Variants in ATP6V1H observed in about 807,000 individuals in gnomAD.
The protein encoded by ATP6V1H is ATPase H+ transporting V1 subunit H.
In ATP6V1H, 39 loss-of-function variants were observed where a neutral mutation model predicts 71.7. The ratio of observed to expected loss-of-function variants is 0.54; its 90% CI spans 0.42 to 0.71. The LOEUF is 0.71. Ranked by LOEUF, ATP6V1H falls within the 30% of genes least tolerant of loss-of-function variation. The probability of loss-of-function intolerance (pLI) is 0.00; values close to 1 mark genes in which losing one functional copy is unlikely to be tolerated. For synonymous variants in ATP6V1H, 192 were observed against 199.3 expected (o/e 0.96, Z 0.31); for missense variants, 509 against 594.9 (o/e 0.86, Z 1.50).
intron 9 of ATP6V1H, among the ~76,000 whole-genome samples, chr8:53,780,697 C>A (rs942620322): frequency 1.3e-5 from 2 of 152,108 alleles, no homozygotes; most frequent in African/African-American, 2.4e-5. Flanking sequence ...CCCCATCCCC[C>A]ACTCCACAAC....
chr8:53,833,111 T>A (rs2130529558), intron 2 of ATP6V1H, 25 bp from the exon 3 acceptor site: 1 of 1,582,126 alleles, frequency 6.3e-7, no homozygotes, highest in Non-Finnish European at 8.7e-7. Context: ...TAAGATGTTT[T>A]GTTCAGTAAG....
intron 7 of ATP6V1H, among the ~76,000 whole-genome samples, chr8:53,810,811 TAGAC>T (rs1810249376): frequency 6.6e-6 from 1 of 152,204 alleles, no homozygotes; most frequent in African/African-American, 2.4e-5. Context: ...ACCTTTTGAT[TAGAC>T]AGATATTAGA....
intron 7 of ATP6V1H, among the ~76,000 whole-genome samples, chr8:53,807,189 GT>G (rs1158225434): frequency 6.6e-6 from 1 of 152,120 alleles, no homozygotes; most frequent in Non-Finnish European, 1.5e-5. Context: ...TTCTGAAGGG[GT>G]GACAAGTATT....
At chr8:53,816,964 C>T (rs1279436664) in intron 5 of ATP6V1H, among the ~76,000 whole-genome samples, 2 of 152,178 alleles carry the variant, frequency 1.3e-5, no homozygotes, top group African/African-American at 2.4e-5. Flanking sequence ...GAATTCTCCA[C>T]AGGCTTTGAT....
chr8:53,815,210 T>C (rs1810408072), intron 5 of ATP6V1H, among the ~76,000 whole-genome samples: 1 of 152,324 alleles, frequency 6.6e-6, no homozygotes, highest in South Asian at 2.1e-4. Context: ...ATCCATTTCT[T>C]AGGATAATAT....
intron 7 of ATP6V1H, among the ~76,000 whole-genome samples, chr8:53,810,571 C>G (rs569042740): frequency 5.3e-5 from 8 of 152,246 alleles, no homozygotes; most frequent in Admixed American, 3.3e-4. Context: ...GAAACCTCAT[C>G]TCTACTAAAA....
At chr8:53,732,703 G>A (rs145601504) in intron 13 of ATP6V1H, among the ~76,000 whole-genome samples, 6 of 150,224 alleles carry the variant, frequency 4.0e-5, no homozygotes, top group African/African-American at 1.5e-4. Flanking sequence ...GAGCAGCTTC[G>A]CCAGCAGACA....
At chr8:53,776,535 G>C (rs371234452) in intron 9 of ATP6V1H, among the ~76,000 whole-genome samples, 1 of 152,338 alleles carries the variant, frequency 6.6e-6, no homozygotes, top group African/African-American at 2.4e-5. Flanking sequence ...TCTCCCCACA[G>C]GAAGAGAGAG....
intron 13 of ATP6V1H, among the ~76,000 whole-genome samples, chr8:53,728,664 G>A (rs137898362): frequency 2.6e-5 from 4 of 152,258 alleles, no homozygotes; most frequent in African/African-American, 9.6e-5. Flanking sequence ...GCTACCTTGA[G>A]GTGGGCAACA....
chr8:53,724,383 T>C (rs886069851), intron 13 of ATP6V1H, among the ~76,000 whole-genome samples: 3 of 152,156 alleles, frequency 2.0e-5, no homozygotes, highest in Non-Finnish European at 4.4e-5. Context: ...AATATCCTTT[T>C]TCTCTCCTTC....
chr8:53,725,784 C>CA (rs1282570038), intron 13 of ATP6V1H, among the ~76,000 whole-genome samples: 4 of 151,988 alleles, frequency 2.6e-5, no homozygotes, highest in Admixed American at 2.0e-4. Flanking sequence ...GGGAGACAGA[C>CA]AAAAACAGCT....
chr8:53,805,784 C>A (rs1810059126), intron 7 of ATP6V1H, among the ~76,000 whole-genome samples: 1 of 152,016 alleles, frequency 6.6e-6, no homozygotes, highest in Admixed American at 6.6e-5. Context: ...GAGTAATATT[C>A]ATATAATGAA....
chr8:53,816,846 C>T (rs1810469978), intron 5 of ATP6V1H, among the ~76,000 whole-genome samples: 1 of 152,062 alleles, frequency 6.6e-6, no homozygotes, highest in African/African-American at 2.4e-5. Context: ...CAGGTAACTA[C>T]TTAAAATAAA....
chr8:53,839,237 C>T (rs1374020872), intron 2 of ATP6V1H, among the ~76,000 whole-genome samples: 1 of 152,148 alleles, frequency 6.6e-6, no homozygotes, highest in Admixed American at 6.5e-5. Context: ...TTATGATCAA[C>T]AATATTATTC....
At chr8:53,733,603 G>A (rs1473722479) in intron 13 of ATP6V1H, among the ~76,000 whole-genome samples, 4 of 152,158 alleles carry the variant, frequency 2.6e-5, no homozygotes, top group Non-Finnish European at 5.9e-5. Flanking sequence ...CAGGGGGAGC[G>A]CAGCCTAGGA....
At chr8:53,831,230 T>A (rs1810996163) in intron 3 of ATP6V1H, among the ~76,000 whole-genome samples, 1 of 152,188 alleles carries the variant, frequency 6.6e-6, no homozygotes, top group Non-Finnish European at 1.5e-5. Flanking sequence ...CATCCTAGAG[T>A]GTACTTACAC....
chr8:53,810,081 C>T (rs1333056349), intron 7 of ATP6V1H, among the ~76,000 whole-genome samples: 1 of 152,204 alleles, frequency 6.6e-6, no homozygotes, highest in African/African-American at 2.4e-5. Flanking sequence ...GGAGTACCAG[C>T]AACCAATATG....
rs111548854 is a variant in ATP6V1H, at chr8:53,755,080, G to A, written c.1277+1475C>T. Among the ~76,000 whole-genome samples the A allele has an allele frequency of 2.2e-3, 336 of 152,254 alleles. 2 individuals carry two copies. The highest frequency in any genetic ancestry group is 7.8e-3 in the African/African-American group (323 of 41,544). On this transcript the variant is annotated intron_variant, in intron 12 of 13. Coordinates refer to ENST00000359530, the MANE Select transcript of ATP6V1H (RefSeq NM_015941.4). Reference sequence around the variant, plus strand: ...ATGGTATAGCAGTGAGAGCTGCCTCGCAGTGGGTGACAGGCCCAGCACTCA... The same window carrying A: ...ATGGTATAGCAGTGAGAGCTGCCTCACAGTGGGTGACAGGCCCAGCACTCA...
chr8:53,737,861 T>TTAA (rs1807275955), intron 13 of ATP6V1H, among the ~76,000 whole-genome samples: 2 of 152,230 alleles, frequency 1.3e-5, no homozygotes, highest in African/African-American at 4.8e-5. Flanking sequence ...GACAATAGGC[T>TTAA]GATACTCTTC....
Sources: allele counts gnomAD v4.1 joint callset (sites outside exome capture counted in the v4.1 genomes callset), GRCh38; gene constraint gnomAD v4.1.1; transcripts MANE v1.5; gene names NCBI Gene and HGNC (gene_info 2026-07-23, HGNC 2026-07-21).